Variants in DCDC1 observed in about 807,000 individuals in gnomAD.
DCDC1 encodes the protein doublecortin domain-containing protein 1.
In DCDC1, 200 loss-of-function variants were observed where a neutral mutation model predicts 178.3. The ratio of observed to expected loss-of-function variants is 1.12; its 90% CI spans 1.00 to 1.26. DCDC1 has a LOEUF of 1.26. Ranked by LOEUF, DCDC1 falls within the 50% of genes most tolerant of loss-of-function variation. The pLI, the probability that DCDC1 is intolerant of heterozygous loss-of-function variation, is 0.00. For missense variants in DCDC1, 1,983 were observed against 1,749.2 expected (o/e 1.13, Z -2.38); for synonymous variants, 690 against 604.8 (o/e 1.14, Z -2.07).
At chr11:31,325,258 T>C (rs1413465758) in intron 3 of DCDC1, among the ~76,000 whole-genome samples, 6 of 152,170 alleles carry the variant, frequency 3.9e-5, no homozygotes, top group African/African-American at 1.4e-4. Flanking sequence ...TACTAATAAA[T>C]AACTGATTCT....
intron 20 of DCDC1, among the ~76,000 whole-genome samples, chr11:31,013,905 A>T (rs796534010): frequency 5.2e-4 from 79 of 152,356 alleles, no homozygotes; most frequent in African/African-American, 1.8e-3. Flanking sequence ...AGAAACCATC[A>T]GGGCAGGAAA....
chr11:30,876,021 G>A (rs1470947807), intron 38 of DCDC1, among the ~76,000 whole-genome samples: 1 of 152,116 alleles, frequency 6.6e-6, no homozygotes, highest in Non-Finnish European at 1.5e-5. Context: ...GAAAGCTAGA[G>A]CGATGGGCAG....
At chr11:31,129,944 T>C (rs1962208119) in intron 10 of DCDC1, among the ~76,000 whole-genome samples, 2 of 152,152 alleles carry the variant, frequency 1.3e-5, no homozygotes, top group African/African-American at 4.8e-5. Context: ...CAAATGTCTC[T>C]TCTCACTGTC....
intron 27 of DCDC1, among the ~76,000 whole-genome samples, chr11:30,914,796 T>C (rs1945714216): frequency 6.6e-6 from 1 of 152,214 alleles, no homozygotes. Flanking sequence ...AGATAGCTTT[T>C]AATTTTATCT....
intron 7 of DCDC1, among the ~76,000 whole-genome samples, chr11:31,276,514 T>A (rs553885359): frequency 6.6e-6 from 1 of 152,272 alleles, no homozygotes; most frequent in African/African-American, 2.4e-5. Flanking sequence ...AAATAGTTTA[T>A]GAATTTTCCA....
At chr11:30,883,146 T>C (rs1049204420) in intron 36 of DCDC1, 1 of 152,854 alleles carries the variant, frequency 6.5e-6, no homozygotes, top group Non-Finnish European at 1.5e-5. Context: ...AGGTTAAATA[T>C]AATAACCAAA....
chr11:31,004,172 T>C (rs569239693), intron 20 of DCDC1, among the ~76,000 whole-genome samples: 69 of 152,326 alleles, frequency 4.5e-4, no homozygotes, highest in African/African-American at 1.5e-3. Context: ...TCTTTAAATA[T>C]TGAGGAAAAC....
chr11:31,296,346 C>G (rs1489936743), intron 6 of DCDC1, among the ~76,000 whole-genome samples: 2 of 152,058 alleles, frequency 1.3e-5, no homozygotes, highest in Non-Finnish European at 1.5e-5. Flanking sequence ...ACTTTTAAAC[C>G]CATACTTCAC....
At chr11:31,352,655 T>C (rs575295953) in intron 1 of DCDC1, among the ~76,000 whole-genome samples, 3 of 152,266 alleles carry the variant, frequency 2.0e-5, no homozygotes, top group Admixed American at 6.5e-5. Flanking sequence ...CACTTAATAA[T>C]AACATGACGA....
chr11:30,986,095 A>T (rs1189586428), intron 20 of DCDC1, among the ~76,000 whole-genome samples: 1 of 152,138 alleles, frequency 6.6e-6, no homozygotes, highest in Admixed American at 6.5e-5. Context: ...ACATTTATTT[A>T]GTCATCAGAA....
intron 20 of DCDC1, among the ~76,000 whole-genome samples, chr11:31,063,047 AAC>A (rs1387659920): frequency 6.7e-6 from 1 of 149,208 alleles, no homozygotes; most frequent in Admixed American, 6.8e-5. Flanking sequence ...AAAGGATATG[AAC>A]AGACACTTCT....
At position 30,875,377 on chromosome 11, in the gene DCDC1, C is replaced by T. The variant is rs1590186891; in HGVS notation, c.*40+3167G>A. ...AAAGCCAGGAGGGAACCAGAACCAG[C>T]GGTTCAATAGAAACAACTGAGAGTC... On this transcript the variant is annotated intron_variant, in intron 38 of 38. Coordinates refer to ENST00000684477, the MANE Select transcript of DCDC1 (RefSeq NM_001387274.1). Among the ~76,000 whole-genome samples the T allele has an allele frequency of 5.3e-5, 8 of 152,230 alleles. 1 individual carries two copies. The South Asian group carries it at 1.7e-3, about 32-fold the overall frequency.
chr11:31,122,941 C>T (rs1283128755), intron 11 of DCDC1, among the ~76,000 whole-genome samples: 3 of 152,094 alleles, frequency 2.0e-5, no homozygotes, highest in African/African-American at 7.2e-5. Flanking sequence ...ACAAACTTTT[C>T]TTTAAAAGGC....
At chr11:30,952,893 C>T (rs971321098) in intron 20 of DCDC1, among the ~76,000 whole-genome samples, 1 of 151,872 alleles carries the variant, frequency 6.6e-6, no homozygotes, top group African/African-American at 2.4e-5. Flanking sequence ...AAAAATTAAG[C>T]AAAACTTTAG....
intron 15 of DCDC1, among the ~76,000 whole-genome samples, chr11:31,097,184 T>C (rs775951259): frequency 1.3e-5 from 2 of 152,216 alleles, no homozygotes; most frequent in African/African-American, 2.4e-5. Context: ...ATACACATGC[T>C]GGGCCAGTTA....
chr11:30,878,077 T>C (rs1412475927), intron 38 of DCDC1, among the ~76,000 whole-genome samples: 1 of 152,196 alleles, frequency 6.6e-6, no homozygotes, highest in Non-Finnish European at 1.5e-5. Flanking sequence ...GCTGGCATTA[T>C]TTTGTCTAGT....
At chr11:31,206,393 G>A (rs1217436863) in intron 9 of DCDC1, among the ~76,000 whole-genome samples, 1 of 151,886 alleles carries the variant, frequency 6.6e-6, no homozygotes, top group Non-Finnish European at 1.5e-5. Flanking sequence ...TCAATCTAAG[G>A]TCCATGGATT....
chr11:30,900,309 A>G (rs771487302), intron 33 of DCDC1, 37 bp downstream of exon 33: 1 of 1,478,612 alleles, frequency 6.8e-7, no homozygotes, highest in Admixed American at 2.5e-5. Context: ...CTCCCTTCAT[A>G]TACTTGCTTG....
intron 9 of DCDC1, among the ~76,000 whole-genome samples, chr11:31,154,569 A>G (rs1402012098): frequency 6.6e-6 from 1 of 152,196 alleles, no homozygotes; most frequent in Non-Finnish European, 1.5e-5. Context: ...TACATCTCTC[A>G]TGTCTAGCAC....
Sources: allele counts gnomAD v4.1 joint callset (sites outside exome capture counted in the v4.1 genomes callset), GRCh38; gene constraint gnomAD v4.1.1; transcripts MANE v1.5; gene names NCBI Gene and HGNC (gene_info 2026-07-23, HGNC 2026-07-21).